CCBE1: variants seen among roughly 807,000 people sequenced by gnomAD.
CCBE1 encodes collagen and calcium-binding EGF domain-containing protein 1.
CCBE1 carries 37 observed loss-of-function variants against 50.0 expected under a neutral mutation model. That is an observed-to-expected ratio of 0.74 (90% CI 0.57 to 0.97). The LOEUF is 0.97. Among genes scored for constraint, CCBE1 ranks in the 50% least tolerant of loss-of-function variants. The pLI, the probability that CCBE1 is intolerant of heterozygous loss-of-function variation, is 0.00. For synonymous variants in CCBE1, 234 were observed against 203.7 expected (o/e 1.15, Z -1.27); for missense variants, 538 against 523.8 (o/e 1.03, Z -0.26).
intron 2 of CCBE1, among the ~76,000 whole-genome samples, chr18:59,609,728 G>A (rs545236958): frequency 6.6e-6 from 1 of 152,270 alleles, no homozygotes; most frequent in African/African-American, 2.4e-5. Context: ...ATTTGAAAAG[G>A]CATTTTCTAT....
At chr18:59,443,174 C>G (rs1271140719) in intron 7 of CCBE1, among the ~76,000 whole-genome samples, 1 of 152,216 alleles carries the variant, frequency 6.6e-6, no homozygotes, top group African/African-American at 2.4e-5. Flanking sequence ...CATCATCTAT[C>G]TTGACCCACA....
At chr18:59,448,207 T>G in intron 6 of CCBE1, 104 bp from the exon 7 acceptor site, 1 of 1,507,062 alleles carries the variant, frequency 6.6e-7, no homozygotes, top group Non-Finnish European at 9.0e-7. Context: ...GAGACATATG[T>G]ATATACTTTT....
At chr18:59,542,986 T>C (rs996425377) in intron 2 of CCBE1, among the ~76,000 whole-genome samples, 4 of 152,170 alleles carry the variant, frequency 2.6e-5, no homozygotes, top group African/African-American at 9.7e-5. Context: ...GAAAGTTGCC[T>C]TTTCCCTCTT....
In CCBE1 at chr18:59,435,832, C is replaced by G. The variant is rs368432601; in HGVS notation, c.*76G>C. On this transcript the variant is annotated 3_prime_UTR_variant, in exon 11 of 11. Transcript: ENST00000439986. ...GTATGTTTTCTAGGTCTCCAGTGGT[C>G]TTTCTTCTCTTTAGATGGTTTAACT... is the stretch of plus-strand genomic sequence containing the variant. 3.0e-6 allele frequency: 4 copies of G among 1,315,330 alleles called. No homozygotes were observed. Among genetic ancestry groups the G allele is most frequent in the East Asian group, 4.6e-5 (2 of 43,510 alleles). 81.5% of individuals were successfully genotyped at this position (1,315,330 alleles called of 1,614,324 possible).
At chr18:59,566,685 T>C (rs1318399882) in intron 2 of CCBE1, among the ~76,000 whole-genome samples, 1 of 152,174 alleles carries the variant, frequency 6.6e-6, no homozygotes, top group African/African-American at 2.4e-5. Flanking sequence ...AACATATTAA[T>C]AAAGTCCCTA....
At chr18:59,520,426 G>C (rs1442342562) in intron 2 of CCBE1, among the ~76,000 whole-genome samples, 2 of 152,158 alleles carry the variant, frequency 1.3e-5, no homozygotes, top group Non-Finnish European at 2.9e-5. Context: ...CTTGGGTTAA[G>C]TTGAATTCAG....
At chr18:59,644,264 T>C (rs945520824) in intron 2 of CCBE1, among the ~76,000 whole-genome samples, 1 of 152,132 alleles carries the variant, frequency 6.6e-6, no homozygotes, top group Non-Finnish European at 1.5e-5. Flanking sequence ...GCAATAATGC[T>C]CCCTCACCTG....
intron 2 of CCBE1, among the ~76,000 whole-genome samples, chr18:59,513,113 G>A (rs1220641965): frequency 6.6e-6 from 1 of 152,176 alleles, no homozygotes; most frequent in Non-Finnish European, 1.5e-5. Context: ...CTCGAGACCA[G>A]CCCAGCCAAC....
intron 2 of CCBE1, among the ~76,000 whole-genome samples, chr18:59,516,437 GC>G (rs1488467090): frequency 6.6e-6 from 1 of 152,152 alleles, no homozygotes; most frequent in Non-Finnish European, 1.5e-5. Context: ...AATGAGAAGG[GC>G]CAGCAAATAT....
At position 59,469,706 on chromosome 18, in the gene CCBE1, G is replaced by A. The variant is rs1199412930; in HGVS notation, c.266-99C>T. On this transcript the variant is annotated intron_variant, in intron 3 of 10. Coordinates refer to ENST00000439986, the MANE Select transcript of CCBE1 (RefSeq NM_133459.4). Reference sequence around the variant, plus strand: ...CTTTCTGGGCTGGGCTCTGCTCAAGGGCACGTGTGAAGTGTGGACAGATAT... The same window carrying A: ...CTTTCTGGGCTGGGCTCTGCTCAAGAGCACGTGTGAAGTGTGGACAGATAT... 6.6e-6 allele frequency: 10 copies of A among 1,515,572 alleles called. No individual in the cohort carries two copies. In the East Asian group the frequency reaches 1.1e-4, roughly 17 times the overall value. The allele number at this position is 1,515,572 out of a possible 1,614,324, so 93.9% of individuals were successfully genotyped here.
chr18:59,685,295 T>G (rs965488595), intron 2 of CCBE1, among the ~76,000 whole-genome samples: 3 of 152,154 alleles, frequency 2.0e-5, no homozygotes, highest in African/African-American at 7.2e-5. Flanking sequence ...CCTTGATCCA[T>G]TCTCCTATTA....
intron 2 of CCBE1, among the ~76,000 whole-genome samples, chr18:59,562,823 G>T (rs557855976): frequency 2.6e-5 from 4 of 152,250 alleles, no homozygotes; most frequent in Non-Finnish European, 5.9e-5. Flanking sequence ...CTCACATGTT[G>T]TGGCCACATG....
At chr18:59,667,962 AC>A in intron 2 of CCBE1, among the ~76,000 whole-genome samples, 1 of 152,106 alleles carries the variant, frequency 6.6e-6, no homozygotes, top group Admixed American at 6.6e-5. Context: ...AACATCACAC[AC>A]CGGGACCTAT....
At chr18:59,624,422 T>C (rs1165493017) in intron 2 of CCBE1, among the ~76,000 whole-genome samples, 1 of 152,238 alleles carries the variant, frequency 6.6e-6, no homozygotes, top group East Asian at 1.9e-4. Flanking sequence ...TGCAATAGAT[T>C]TATGTTTTTT....
At chr18:59,528,011 A>C (rs1914896617) in intron 2 of CCBE1, among the ~76,000 whole-genome samples, 1 of 152,150 alleles carries the variant, frequency 6.6e-6, no homozygotes, top group Non-Finnish European at 1.5e-5. Flanking sequence ...TTCCTGAATT[A>C]GAATGTTGGC....
chr18:59,489,316 A>C (rs1276162275), intron 2 of CCBE1, among the ~76,000 whole-genome samples: 2 of 152,380 alleles, frequency 1.3e-5, no homozygotes, highest in Admixed American at 6.5e-5. Flanking sequence ...CACAGGGTCA[A>C]TGTCCTCAGC....
chr18:59,618,588 C>T (rs558238174), intron 2 of CCBE1, among the ~76,000 whole-genome samples: 2 of 152,084 alleles, frequency 1.3e-5, no homozygotes, highest in Non-Finnish European at 2.9e-5. Context: ...GTGCGTGCCA[C>T]CAAACCCTGC....
intron 2 of CCBE1, among the ~76,000 whole-genome samples, chr18:59,634,160 T>G (rs989510740): frequency 6.6e-6 from 1 of 152,076 alleles, no homozygotes. Context: ...TTTTGCAAAA[T>G]GGAAATGAGG....
intron 2 of CCBE1, among the ~76,000 whole-genome samples, chr18:59,556,432 T>C (rs189257606): frequency 1.6e-3 from 242 of 152,306 alleles, no homozygotes; most frequent in South Asian, 1.9e-3. Context: ...CAGCATTCTT[T>C]CCTGCAGATG....
Sources: gnomAD v4.1 joint callset for allele counts (sites outside exome capture counted in the v4.1 genomes callset) on GRCh38, gnomAD v4.1.1 for gene constraint, MANE v1.5 for transcripts, NCBI Gene and HGNC (gene_info 2026-07-23, HGNC 2026-07-21) for gene names.